The following TTC33 variants were observed in gnomAD, a reference collection of about 807,000 sequenced individuals.
TTC33 encodes tetratricopeptide repeat domain 33.
A neutral mutation model predicts 29.4 loss-of-function variants in TTC33; 24 were observed. The observed-to-expected ratio is 0.82, with a 90% CI of 0.59 to 1.15. The LOEUF is 1.15. TTC33 is among the 50% of genes most tolerant of loss of function. The pLI, the probability that TTC33 is intolerant of heterozygous loss-of-function variation, is 0.00. For synonymous variants in TTC33, 107 were observed against 100.3 expected (o/e 1.07, Z -0.40); for missense variants, 286 against 310.4 (o/e 0.92, Z 0.59).
At chr5:40,736,012 G>A (rs539422785) in intron 2 of TTC33, among the ~76,000 whole-genome samples, 1 of 152,154 alleles carries the variant, frequency 6.6e-6, no homozygotes, top group South Asian at 2.1e-4. Flanking sequence ...GGGTATGTTT[G>A]CATGCCAGCA....
chr5:40,747,626 A>C (rs901091999), intron 1 of TTC33, among the ~76,000 whole-genome samples: 2 of 152,198 alleles, frequency 1.3e-5, no homozygotes, highest in African/African-American at 4.8e-5. Context: ...AAGCATGCTC[A>C]ATAACACATC....
intron 4 of TTC33, among the ~76,000 whole-genome samples, chr5:40,721,949 C>T (rs1031116316): frequency 1.3e-5 from 2 of 152,122 alleles, no homozygotes; most frequent in Non-Finnish European, 2.9e-5. Flanking sequence ...GCCAAAAAAC[C>T]TAGTAACCTG....
At position 40,712,854 on chromosome 5, in the gene TTC33, T is replaced by C. The variant is rs369459481; in HGVS notation, c.*3291A>G. ...CCTTCTGACCAAAGTAGTTCATATA[T>C]AGTGCACATTAGGGCATGATTCATG... On this transcript the variant is annotated 3_prime_UTR_variant, in exon 5 of 5. Transcript: ENST00000337702. 2.6e-5 allele frequency among the ~76,000 whole-genome samples: 4 copies of C among 152,256 alleles called. No homozygotes were observed. The East Asian group carries it at 7.7e-4, about 29-fold the overall frequency.
intron 2 of TTC33, among the ~76,000 whole-genome samples, chr5:40,731,605 G>A (rs1279634867): frequency 5.3e-5 from 8 of 152,192 alleles, no homozygotes; most frequent in African/African-American, 1.4e-4. Context: ...ATAAGATCTC[G>A]TGAGAACTCA....
At chr5:40,719,365 T>C (rs559023854) in intron 4 of TTC33, among the ~76,000 whole-genome samples, 1 of 152,362 alleles carries the variant, frequency 6.6e-6, no homozygotes, top group African/African-American at 2.4e-5. Context: ...TTAAAGTTCA[T>C]CCGTGTTGTA....
At chr5:40,730,132 ATT>A (rs1440898624) in intron 3 of TTC33, 128 bp downstream of exon 3, 1 of 659,712 alleles carries the variant, frequency 1.5e-6, no homozygotes, top group East Asian at 2.7e-5. Context: ...ATGGTGAAAT[ATT>A]TTTTCCCAAA....
rs191154441 is a variant in TTC33, at chr5:40,718,233, G to A, written c.436-1735C>T. Among the ~76,000 whole-genome samples the A allele has an allele frequency of 1.1e-3, 162 of 151,662 alleles. 2 individuals are homozygous for A. The highest frequency in any genetic ancestry group is 5.2e-4 in the Non-Finnish European group (35 of 67,888). On this transcript the variant is annotated intron_variant, in intron 4 of 4. Transcript: ENST00000337702. ...ACCAGGAGTTCAATGACAAAACCCC[G>A]TCTCTACTAAAGATACAAAAAAAAT...
chr5:40,752,135 G>A (rs138397513), intron 1 of TTC33, among the ~76,000 whole-genome samples: 1 of 152,154 alleles, frequency 6.6e-6, no homozygotes, highest in East Asian at 1.9e-4. Flanking sequence ...ACTTTACTTT[G>A]GCAGCTTCTT....
In TTC33 at chr5:40,715,646, T is replaced by A. The variant is rs1325439566; in HGVS notation, c.*499A>T. On this transcript the variant is annotated 3_prime_UTR_variant, in exon 5 of 5. Transcript: ENST00000337702. ...TTCAAAGATTCCACATATAACCAAATGACAACTTTGAATCAAAATGAATGT... is the reference window on the plus strand; with the variant it reads ...TTCAAAGATTCCACATATAACCAAAAGACAACTTTGAATCAAAATGAATGT... 1 of 152,474 alleles carries A rather than the reference T, an allele frequency of 6.6e-6. No individual in the cohort carries two copies. Among genetic ancestry groups the A allele is most frequent in the Non-Finnish European group, 1.5e-5 (1 of 68,132 alleles). 9.4% of individuals were successfully genotyped at this position (152,474 alleles called of 1,614,324 possible). A position where few individuals can be genotyped will look rare whatever the true frequency, so the allele number is the denominator to read the frequency against.
Position 40,713,066 on chromosome 5 carries a change from A to C in TTC33, c.*3079T>G, listed in dbSNP as rs1314067127. Among the ~76,000 whole-genome samples, 1 of 152,142 alleles carries C rather than the reference A, an allele frequency of 6.6e-6. No homozygotes were observed. Among genetic ancestry groups the C allele is most frequent in the Non-Finnish European group, 1.5e-5 (1 of 68,026 alleles). Reference sequence around the variant, plus strand: ...TTTCTCAGTCCTAAAATTCTTTATTATCAAATACATCAGTTTAATAATAAT... The same window carrying C: ...TTTCTCAGTCCTAAAATTCTTTATTCTCAAATACATCAGTTTAATAATAAT... On this transcript the variant is annotated 3_prime_UTR_variant, in exon 5 of 5. Transcript: ENST00000337702.
intron 1 of TTC33, among the ~76,000 whole-genome samples, chr5:40,747,590 A>G (rs1742820524): frequency 6.6e-6 from 1 of 152,118 alleles, no homozygotes; most frequent in South Asian, 2.1e-4. Context: ...TCAGGCCTCT[A>G]CCTATAAGAA....
Position 40,729,542 on chromosome 5 carries a change from G to A in TTC33, c.303+720C>T, listed in dbSNP as rs533015033. Among the ~76,000 whole-genome samples the A allele has an allele frequency of 1.8e-4, 28 of 152,202 alleles. No individual in the cohort carries two copies. The South Asian group carries it at 5.8e-3, about 32-fold the overall frequency. Reference sequence around the variant, plus strand: ...TGCATCTATGCTGACCTTTTGCTAAGGACTAAGCCATTTTTAGAAATATCT... The same window carrying A: ...TGCATCTATGCTGACCTTTTGCTAAAGACTAAGCCATTTTTAGAAATATCT... On this transcript the variant is annotated intron_variant, in intron 3 of 4. Coordinates refer to ENST00000337702, the MANE Select transcript of TTC33 (RefSeq NM_012382.3).
At chr5:40,732,733 C>T (rs111388111) in intron 2 of TTC33, among the ~76,000 whole-genome samples, 1,577 of 152,068 alleles carry the variant, frequency 0.01, 21 homozygotes, top group African/African-American at 0.032. Context: ...CTCAGCCCCC[C>T]GAGTGGCTGG....
intron 1 of TTC33, among the ~76,000 whole-genome samples, chr5:40,750,978 C>T (rs1207552085): frequency 2.0e-5 from 3 of 152,168 alleles, no homozygotes; most frequent in Non-Finnish European, 4.4e-5. Flanking sequence ...AAGTCTTGAA[C>T]CCCTCAAAGT....
intron 4 of TTC33, among the ~76,000 whole-genome samples, chr5:40,717,882 G>C (rs1742035745): frequency 6.6e-6 from 1 of 151,962 alleles, no homozygotes; most frequent in Admixed American, 6.6e-5. Context: ...TGGCCATGGT[G>C]AAAACCCGTC....
intron 2 of TTC33, among the ~76,000 whole-genome samples, chr5:40,740,125 C>A (rs928704026): frequency 1.3e-5 from 2 of 151,910 alleles, no homozygotes; most frequent in African/African-American, 4.8e-5. Flanking sequence ...ATATTTACTT[C>A]TATATAACTT....
rs1741949973 is a variant in TTC33 at position 40,714,058 on chromosome 5, GC to G, written c.*2086del. Among the ~76,000 whole-genome samples, 2 of 152,018 alleles carry G rather than the reference GC, an allele frequency of 1.3e-5. No individual in the cohort carries two copies. The highest frequency in any genetic ancestry group is 4.8e-5 in the African/African-American group (2 of 41,402). ...TCTGGGTAAGAAAGAGACTAACTTG[GC>G]CTACCATGCCAGTACAGAGGAAACA... On this transcript the variant is annotated 3_prime_UTR_variant, in exon 5 of 5. Coordinates refer to ENST00000337702, the MANE Select transcript of TTC33 (RefSeq NM_012382.3).
At chr5:40,732,501 A>G (rs1742454694) in intron 2 of TTC33, among the ~76,000 whole-genome samples, 1 of 151,426 alleles carries the variant, frequency 6.6e-6, no homozygotes, top group Non-Finnish European at 1.5e-5. Context: ...TCCTCCTTGT[A>G]TTTTTGTCTT....
intron 2 of TTC33, among the ~76,000 whole-genome samples, chr5:40,738,053 A>G (rs1742594310): frequency 6.6e-6 from 1 of 152,168 alleles, no homozygotes; most frequent in South Asian, 2.1e-4. Context: ...TAATGTTTTC[A>G]TTTCTTCTGA....
Sources: allele counts gnomAD v4.1 joint callset (sites outside exome capture counted in the v4.1 genomes callset), GRCh38; gene constraint gnomAD v4.1.1; transcripts MANE v1.5; gene names NCBI Gene and HGNC (gene_info 2026-07-23, HGNC 2026-07-21).